BID: variants seen among roughly 807,000 people sequenced by gnomAD.
The protein encoded by BID is BH3-interacting domain death agonist.
BID carries 19 observed loss-of-function variants against 17.4 expected under a neutral mutation model. The observed-to-expected ratio is 1.09, with a 90% CI of 0.76 to 1.60. BID has a LOEUF of 1.60. Ranked by LOEUF, BID falls within the 40% of genes most tolerant of loss-of-function variation. The pLI is 0.00. For missense variants in BID, 226 were observed against 256.0 expected (o/e 0.88, Z 0.80); for synonymous variants, 108 against 102.8 (o/e 1.05, Z -0.31).
rs1159470596 is a variant in BID at position 17,738,217 on chromosome 22, C to A, written c.376G>T (p.Asp126Tyr). 1 of 1,610,724 alleles carries A rather than the reference C, an allele frequency of 6.2e-7. No homozygotes were observed. Among genetic ancestry groups the A allele is most frequent in the Admixed American group, 1.7e-5 (1 of 60,014 alleles). ...TSRSEEDRNR[D>Y]LATALEQLLQ... ...AGCTGCTCCAGGGCAGTGGCCAGGT[C>A]CCTGTTCCGGTCCTGCACAGAGGGG... The change falls in exon 5 of 6, where the codon GAC becomes TAC. Residue 126 changes from aspartate to tyrosine, a missense_variant. Asp to Tyr is a radical substitution (Grantham distance 160). Coordinates refer to ENST00000622694, the MANE Select transcript of BID (RefSeq NM_001196.4).
intron 1 of BID, among the ~76,000 whole-genome samples, chr22:17,753,035 C>T (rs367547343): frequency 2.2e-5 from 3 of 136,142 alleles, no homozygotes; most frequent in African/African-American, 8.4e-5. Flanking sequence ...GGCGCAATCT[C>T]GGCTCACTGC....
intron 2 of BID, among the ~76,000 whole-genome samples, chr22:17,745,271 G>A (rs1044729358): frequency 3.3e-5 from 5 of 151,984 alleles, no homozygotes; most frequent in African/African-American, 7.3e-5. Context: ...GGCTGGTCTC[G>A]AACTCCTGAC....
chr22:17,755,134 G>C (rs1348217969), intron 1 of BID, among the ~76,000 whole-genome samples: 1 of 142,706 alleles, frequency 7.0e-6, no homozygotes, highest in African/African-American at 2.6e-5. Context: ...GCCCAGGCTG[G>C]AGTGCGGTGG....
At chr22:17,768,134 G>A (rs2061691828) in intron 1 of BID, among the ~76,000 whole-genome samples, 1 of 152,246 alleles carries the variant, frequency 6.6e-6, no homozygotes, top group South Asian at 2.1e-4. Context: ...CCACCAGTGT[G>A]TCTGGAGCTT....
Position 17,774,459 on chromosome 22 carries a change from G to A in BID, c.-137C>T, listed in dbSNP as rs1176413760. 2 of 294,660 alleles carry A rather than the reference G, an allele frequency of 6.8e-6. No individual in the cohort carries two copies. The highest frequency in any genetic ancestry group is 1.4e-5 in the Non-Finnish European group (2 of 138,920). 18.3% of individuals were successfully genotyped at this position (294,660 alleles called of 1,614,324 possible). A position where few individuals can be genotyped will look rare whatever the true frequency, so the allele number is the denominator to read the frequency against. On this transcript the variant is annotated 5_prime_UTR_variant, in exon 1 of 6. Transcript: ENST00000622694. The stretch of plus-strand genomic sequence containing the variant: ...GGCGCGCGGACACGGTCGACTACCC[G>A]CTTCCTCCTTATGGCGCCCCGCGCG...
At chr22:17,742,868 G>C (rs963478468) in intron 3 of BID, among the ~76,000 whole-genome samples, 1 of 152,274 alleles carries the variant, frequency 6.6e-6, no homozygotes, top group Non-Finnish European at 1.5e-5. Context: ...GCCTCCACTC[G>C]GGACAGCCCC....
intron 3 of BID, chr22:17,739,991 T>G: frequency 1.5e-6 from 2 of 1,358,400 alleles, no homozygotes; most frequent in Non-Finnish European, 2.0e-6. Context: ...CCCTGGAGAA[T>G]CTCCCCTGCC....
intron 1 of BID, among the ~76,000 whole-genome samples, chr22:17,752,211 G>A (rs774729557): frequency 6.6e-5 from 10 of 152,144 alleles, no homozygotes; most frequent in African/African-American, 1.9e-4. Context: ...AGACCCTAAC[G>A]CCGTGTCTCA....
At chr22:17,739,871 C>T (rs1483523567) in intron 3 of BID, 4 of 626,060 alleles carry the variant, frequency 6.4e-6, no homozygotes, top group Non-Finnish European at 1.1e-5. Flanking sequence ...GGAAGGGGCT[C>T]TGTGGGCAGA....
chr22:17,764,395 A>G (rs1469299504), intron 1 of BID: 1 of 152,540 alleles, frequency 6.6e-6, no homozygotes, highest in Non-Finnish European at 1.5e-5. Context: ...GTGCCCCTAC[A>G]CTGAGATGGA....
chr22:17,757,427 TG>T (rs2145905189), intron 1 of BID, among the ~76,000 whole-genome samples: 1 of 46,390 alleles, frequency 2.2e-5, no homozygotes, highest in African/African-American at 8.6e-5. Flanking sequence ...AAAAAAAAAA[TG>T]CCAGGCGCAG....
At chr22:17,766,898 C>A (rs934707296) in intron 1 of BID, among the ~76,000 whole-genome samples, 2 of 149,924 alleles carry the variant, frequency 1.3e-5, no homozygotes, top group Admixed American at 1.3e-4. Context: ...CCAAGAATTT[C>A]TTTTTAAATT....
intron 1 of BID, among the ~76,000 whole-genome samples, chr22:17,767,223 C>CAA (rs36077043): frequency 0.1 from 15,133 of 145,606 alleles, 893 homozygotes; most frequent in South Asian, 0.24. Flanking sequence ...GATTCCATCT[C>CAA]AAAAAAAAAA....
chr22:17,746,856 G>C (rs1020399111), intron 2 of BID, among the ~76,000 whole-genome samples: 1 of 152,136 alleles, frequency 6.6e-6, no homozygotes, highest in Non-Finnish European at 1.5e-5. Context: ...CTCTAGAACC[G>C]GGAGGGGATC....
chr22:17,737,732 T>C (rs1250359387), intron 5 of BID, among the ~76,000 whole-genome samples: 1 of 152,212 alleles, frequency 6.6e-6, no homozygotes, highest in Non-Finnish European at 1.5e-5. Context: ...CTGTACCTGC[T>C]TGTGCCTTGA....
chr22:17,751,296 C>G (rs60494266), intron 1 of BID, among the ~76,000 whole-genome samples: 5,506 of 151,106 alleles, frequency 0.036, 192 homozygotes, highest in East Asian at 0.11. Flanking sequence ...GGCGTGAACC[C>G]GGGAAGCGGA....
intron 1 of BID, among the ~76,000 whole-genome samples, chr22:17,770,660 G>C (rs949652167): frequency 6.6e-6 from 1 of 152,264 alleles, no homozygotes; most frequent in Non-Finnish European, 1.5e-5. Context: ...CCGTGACGGC[G>C]GCGGGGAGGT....
At chr22:17,762,567 TG>T (rs1601873906) in intron 1 of BID, among the ~76,000 whole-genome samples, 1 of 129,974 alleles carries the variant, frequency 7.7e-6, no homozygotes, top group Non-Finnish European at 1.6e-5. Flanking sequence ...TTTTTTTTTT[TG>T]GAGACAGGGT....
At chr22:17,763,183 A>G (rs773338207) in intron 1 of BID, among the ~76,000 whole-genome samples, 25 of 150,154 alleles carry the variant, frequency 1.7e-4, no homozygotes, top group Non-Finnish European at 3.2e-4. Context: ...GGCCACCTGT[A>G]TTTTTTCTTT....
Sources: gnomAD v4.1 joint callset for allele counts (sites outside exome capture counted in the v4.1 genomes callset) on GRCh38, gnomAD v4.1.1 for gene constraint, MANE v1.5 for transcripts, NCBI Gene and HGNC (gene_info 2026-07-23, HGNC 2026-07-21) for gene names.